Variants in OC90 observed in about 807,000 individuals in gnomAD.
OC90 encodes otoconin 90.
In OC90, 46 loss-of-function variants were observed where a neutral mutation model predicts 47.3. That is an observed-to-expected ratio of 0.97 (90% CI 0.77 to 1.24). The LOEUF (loss-of-function observed/expected upper bound fraction) is 1.24, where lower values mean the gene tolerates loss of function less well. OC90 is among the 50% of genes most tolerant of loss of function. The pLI is 0.00. For missense variants in OC90, 688 were observed against 583.9 expected (o/e 1.18, Z -1.84); for synonymous variants, 271 against 219.5 (o/e 1.23, Z -2.07).
chr8:132,028,410 G>A (rs1377634731), intron 13 of OC90, among the ~76,000 whole-genome samples: 3 of 151,838 alleles, frequency 2.0e-5, no homozygotes, highest in Non-Finnish European at 4.4e-5. Context: ...GCTGAGGGAG[G>A]AGAATCGCTG....
intron 1 of OC90, among the ~76,000 whole-genome samples, chr8:132,058,630 C>T (rs1389767166): frequency 2.0e-5 from 3 of 152,072 alleles, no homozygotes; most frequent in African/African-American, 4.8e-5. Context: ...TCCTGGGCAG[C>T]GAAATGCATA....
At chr8:132,032,696 G>C (rs928038611) in intron 11 of OC90, among the ~76,000 whole-genome samples, 18 of 152,198 alleles carry the variant, frequency 1.2e-4, no homozygotes, top group African/African-American at 4.3e-4. Flanking sequence ...GAGACAAAGG[G>C]GGAAGATGTT....
chr8:132,046,984 T>C (rs1270242218), intron 2 of OC90, among the ~76,000 whole-genome samples: 1 of 152,216 alleles, frequency 6.6e-6, no homozygotes, highest in African/African-American at 2.4e-5. Flanking sequence ...GTCCTGTGCA[T>C]AGATATTTAG....
intron 4 of OC90, among the ~76,000 whole-genome samples, chr8:132,042,472 C>T: frequency 6.6e-6 from 1 of 152,090 alleles, no homozygotes; most frequent in Admixed American, 6.5e-5. Context: ...CCAACAATCC[C>T]CTCACCCAGG....
chr8:132,024,722 G>T lies in OC90; in HGVS notation c.1193C>A (p.Ala398Asp). 1 of 1,613,818 alleles carries T rather than the reference G, an allele frequency of 6.2e-7. No homozygotes were observed. Among genetic ancestry groups the T allele is most frequent in the Non-Finnish European group, 8.5e-7 (1 of 1,179,782 alleles). The change falls in exon 14 of 14, where the codon GCT becomes GAT. Residue 398 changes from alanine (A) to aspartate (D), a missense_variant. Physicochemically the swap from Ala to Asp is moderately radical, Grantham distance 126. Transcript: ENST00000254627. ...KLLCACDQTA[A>D]ECMTSASFNQ... ...AAAGGAGGCAGAGGTCATGCACTCA[G>T]CTGCCGTCTGGTCACAGGCACAGAG...
In OC90 at chr8:132,041,469, C is replaced by T. The variant is rs878895093; in HGVS notation, c.344+56G>A. ...TTTGTGCTCTTGCCAAGGTATCAGC[C>T]AGGCCTCCCATGAGCTCACTTTTTT... On this transcript the variant is annotated intron_variant, in intron 5 of 13. Coordinates refer to ENST00000254627, the MANE Select transcript of OC90 (RefSeq NM_001080399.3). The T allele has an allele frequency of 3.3e-5, 50 of 1,507,482 alleles. 1 individual carries two copies. In the South Asian group the frequency reaches 5.8e-4, roughly 17 times the overall value. 93.4% of individuals were successfully genotyped at this position (1,507,482 alleles called of 1,614,324 possible).
At chr8:132,048,497 A>T (rs542362830) in intron 2 of OC90, among the ~76,000 whole-genome samples, 2 of 148,310 alleles carry the variant, frequency 1.3e-5, no homozygotes, top group South Asian at 4.1e-4. Flanking sequence ...TCACAGTATT[A>T]AGTCCTGCTT....
At chr8:132,048,884 C>T (rs1823174481) in intron 2 of OC90, among the ~76,000 whole-genome samples, 1 of 151,484 alleles carries the variant, frequency 6.6e-6, no homozygotes, top group Non-Finnish European at 1.5e-5. Context: ...CCCTATGACC[C>T]ATCTCACCAA....
intron 12 of OC90, among the ~76,000 whole-genome samples, chr8:132,031,214 A>T (rs1056245420): frequency 6.6e-6 from 1 of 152,172 alleles, no homozygotes; most frequent in African/African-American, 2.4e-5. Flanking sequence ...ATAAGCTTCC[A>T]TTGGGCAAAA....
At chr8:132,028,702 G>GAAAGAGAGAT (rs1207296590) in intron 13 of OC90, among the ~76,000 whole-genome samples, 1 of 62,782 alleles carries the variant, frequency 1.6e-5, no homozygotes, top group Admixed American at 1.9e-4. Context: ...GAAAGAAAGA[G>GAAAGAGAGAT]AGACAGAAAG....
intron 2 of OC90, among the ~76,000 whole-genome samples, chr8:132,051,586 G>A (rs1365769262): frequency 6.6e-6 from 1 of 152,198 alleles, no homozygotes; most frequent in Admixed American, 6.5e-5. Flanking sequence ...GTAGAATGGG[G>A]CTATTTGTGA....
chr8:132,045,964 CCAGA>C, intron 2 of OC90, 81 bp from the exon 3 acceptor site: 2 of 771,352 alleles, frequency 2.6e-6, no homozygotes, highest in Non-Finnish European at 4.5e-6. Context: ...AAGGCGACAG[CCAGA>C]CAAACAATGG....
At chr8:132,043,442 A>T (rs1037144296) in intron 4 of OC90, among the ~76,000 whole-genome samples, 1 of 152,236 alleles carries the variant, frequency 6.6e-6, no homozygotes, top group Non-Finnish European at 1.5e-5. Context: ...AGTATACAGC[A>T]AACAAAATTG....
At chr8:132,046,078 A>G (rs6998359) in intron 2 of OC90, among the ~76,000 whole-genome samples, 195 bp from the exon 3 acceptor site, 54,538 of 151,894 alleles carry the variant, frequency 0.36, 10,068 homozygotes, top group East Asian at 0.48. Context: ...GGCTGAGGTA[A>G]CCCTGATGTC....
intron 11 of OC90, 44 bp downstream of exon 11, chr8:132,032,995 A>G: frequency 1.3e-6 from 2 of 1,591,222 alleles, no homozygotes; most frequent in East Asian, 2.3e-5. Context: ...CAGCCTCACC[A>G]AAAGATCCCA....
At position 132,055,027 on chromosome 8, in the gene OC90, A is replaced by T. The variant is rs1823263242; in HGVS notation, c.-1T>A. ...CACTGGTGAGGAGAAACGCAATCAT[A>T]GCAGGAGAACAAAGGATGGGGCTTA... On this transcript the variant is annotated 5_prime_UTR_variant, in exon 2 of 14. Coordinates refer to ENST00000254627, the MANE Select transcript of OC90 (RefSeq NM_001080399.3). 1 of 1,551,050 alleles carries T rather than the reference A, an allele frequency of 6.4e-7. No individual in the cohort carries two copies. The highest frequency in any genetic ancestry group is 1.2e-5 in the South Asian group (1 of 83,980).
At chr8:132,034,516 G>C (rs1355033059) in intron 10 of OC90, among the ~76,000 whole-genome samples, 1 of 152,148 alleles carries the variant, frequency 6.6e-6, no homozygotes, top group Non-Finnish European at 1.5e-5. Flanking sequence ...CTCACCTCTT[G>C]AGGAGGAACT....
intron 8 of OC90, 112 bp downstream of exon 8, chr8:132,038,677 CA>C: frequency 1.2e-6 from 1 of 820,078 alleles, no homozygotes; most frequent in Non-Finnish European, 2.1e-6. Context: ...CTTCCAGTGT[CA>C]CAGTCACTCC....
intron 2 of OC90, among the ~76,000 whole-genome samples, chr8:132,049,281 A>G (rs1823180693): frequency 2.0e-5 from 3 of 146,794 alleles, no homozygotes; most frequent in Admixed American, 2.0e-4. Context: ...AGTACTCCAA[A>G]CCTTCTGTGA....
Sources: allele counts gnomAD v4.1 joint callset (sites outside exome capture counted in the v4.1 genomes callset), GRCh38; gene constraint gnomAD v4.1.1; transcripts MANE v1.5; gene names NCBI Gene and HGNC (gene_info 2026-07-23, HGNC 2026-07-21).